KRABD4: variants seen among roughly 807,000 people sequenced by gnomAD.
KRABD4 encodes the protein KRAB domain containing 4, also known as KRAB domain-containing protein 4.
chrX:46,453,020 G>A, the KRABD4 span, among the ~76,000 whole-genome samples: 1 of 111,738 alleles, frequency 8.9e-6, no homozygotes, highest in African/African-American at 3.3e-5. Context: ...TCTTGGGTGT[G>A]GAATTACTTT....
At chrX:46,452,350 C>T in the KRABD4 span, among the ~76,000 whole-genome samples, 1 of 107,920 alleles carries the variant, frequency 9.3e-6, no homozygotes, top group South Asian at 4.2e-4. Context: ...TAGTGTGGCA[C>T]TATTGACATT....
chrX:46,457,285 G>A, the KRABD4 span: 1 of 168,254 alleles, frequency 5.9e-6, no homozygotes, highest in Non-Finnish European at 1.1e-5. Flanking sequence ...AAACCATAAC[G>A]AGAAAGATTG....
chrX:46,447,707 G>A, the KRABD4 span, among the ~76,000 whole-genome samples: 1 of 112,076 alleles, frequency 8.9e-6, no homozygotes, highest in African/African-American at 3.2e-5. Flanking sequence ...AGCCCTGTGA[G>A]GTGTTACGAT....
At chrX:46,459,138 C>G in the KRABD4 span, among the ~76,000 whole-genome samples, 1 of 110,027 alleles carries the variant, frequency 9.1e-6, no homozygotes, top group Non-Finnish European at 1.9e-5. Flanking sequence ...CATGGTGAAA[C>G]CCTGTCTCTA....
chrX:46,462,234 G>A, the KRABD4 span, among the ~76,000 whole-genome samples: 4 of 112,014 alleles, frequency 3.6e-5, no homozygotes, highest in South Asian at 3.7e-4. Context: ...AGGCCAGGCC[G>A]GGCGCGATGG....
the KRABD4 span, among the ~76,000 whole-genome samples, chrX:46,465,642 A>G: frequency 8.9e-6 from 1 of 112,176 alleles, no homozygotes; most frequent in Non-Finnish European, 1.9e-5. Context: ...TTAACCAGAG[A>G]TGTATTACAT....
chrX:46,473,384 T>C, the KRABD4 span: 1 of 1,199,096 alleles, frequency 8.3e-7, no homozygotes, highest in Non-Finnish European at 1.1e-6. Flanking sequence ...TCAACTCTGA[T>C]TAAACATAAG....
the KRABD4 span, chrX:46,473,458 C>T: frequency 9.5e-7 from 1 of 1,050,487 alleles, no homozygotes; most frequent in Non-Finnish European, 1.3e-6. Context: ...AGTAGGAAGT[C>T]AACTCTCATT....
chrX:46,454,177 A>G, the KRABD4 span: 1 of 167,584 alleles, frequency 6.0e-6, no homozygotes, highest in Non-Finnish European at 1.3e-5. Flanking sequence ...AAGGAGAGAG[A>G]TCTAGCAGCC....
At chrX:46,460,441 AG>A in the KRABD4 span, among the ~76,000 whole-genome samples, 2 of 107,690 alleles carry the variant, frequency 1.9e-5, no homozygotes, top group African/African-American at 6.7e-5. Context: ...AGCTGGGGGC[AG>A]GGGGGTGGAT....
the KRABD4 span, among the ~76,000 whole-genome samples, chrX:46,457,623 G>GTT: frequency 0.043 from 3,240 of 74,710 alleles, 148 homozygotes; most frequent in African/African-American, 0.13. Flanking sequence ...GCCTTTCAGA[G>GTT]TTTTTTTTTT....
the KRABD4 span, chrX:46,463,182 C>A: frequency 1.7e-6 from 2 of 1,203,971 alleles, no homozygotes; most frequent in Admixed American, 4.3e-5. Flanking sequence ...AGTCCTATGT[C>A]ATTTCCCCCG....
chrX:46,468,398 C>T, the KRABD4 span, among the ~76,000 whole-genome samples: 3 of 109,576 alleles, frequency 2.7e-5, no homozygotes, highest in Non-Finnish European at 5.7e-5. Context: ...CATGGTGGTG[C>T]GCACCTGTAG....
At chrX:46,473,870 C>G in the KRABD4 span, 5 of 125,424 alleles carry the variant, frequency 4.0e-5, no homozygotes, top group Non-Finnish European at 4.9e-5. Context: ...CCAGCCTGGT[C>G]TTGAACTCCT....
At chrX:46,449,036 C>G in the KRABD4 span, among the ~76,000 whole-genome samples, 4 of 45,854 alleles carry the variant, frequency 8.7e-5, no homozygotes, top group Non-Finnish European at 1.5e-4. Context: ...CCACACCAAG[C>G]TGAACCCTGT....
the KRABD4 span, among the ~76,000 whole-genome samples, chrX:46,467,379 ACC>A: frequency 9.1e-6 from 1 of 110,491 alleles, no homozygotes; most frequent in Non-Finnish European, 1.9e-5. Flanking sequence ...ATATAGTGAA[ACC>A]CCGTCTCTAC....
At chrX:46,469,844 G>T in the KRABD4 span, among the ~76,000 whole-genome samples, 8 of 111,087 alleles carry the variant, frequency 7.2e-5, no homozygotes, top group Non-Finnish European at 1.5e-4. Context: ...TTTCATAATG[G>T]CCTGATATAG....
At chrX:46,462,593 A>G in the KRABD4 span, 1 of 959,239 alleles carries the variant, frequency 1.0e-6, no homozygotes, top group Non-Finnish European at 1.4e-6. Context: ...TGGCTGTGTG[A>G]CCTGGGTTAG....
chrX:46,473,813 C>T, the KRABD4 span: 10 of 132,071 alleles, frequency 7.6e-5, no homozygotes, highest in Non-Finnish European at 1.1e-4. Context: ...TGCCACCATA[C>T]GCAGCTAATT....
Sources: allele counts gnomAD v4.1 joint callset (sites outside exome capture counted in the v4.1 genomes callset), GRCh38; gene constraint gnomAD v4.1.1; transcripts MANE v1.5; gene names NCBI Gene and HGNC (gene_info 2026-07-23, HGNC 2026-07-21).